GLDC: variants seen among roughly 807,000 people sequenced by gnomAD.
The protein encoded by GLDC is glycine decarboxylase.
GLDC carries 104 observed loss-of-function variants against 121.3 expected under a neutral mutation model. That is an observed-to-expected ratio of 0.86 (90% CI 0.73 to 1.01). The LOEUF (loss-of-function observed/expected upper bound fraction) is 1.01, where lower values mean the gene tolerates loss of function less well. Among genes scored for constraint, GLDC ranks in the 50% least tolerant of loss-of-function variants. The pLI is 0.00. For missense variants in GLDC, 1,429 were observed against 1,306.6 expected (o/e 1.09, Z -1.44); for synonymous variants, 546 against 480.6 (o/e 1.14, Z -1.78).
chr9:6,544,587 C>T (rs891348497), intron 21 of GLDC, among the ~76,000 whole-genome samples: 19 of 145,192 alleles, frequency 1.3e-4, no homozygotes, highest in Admixed American at 1.3e-3. Context: ...TGCAGTGAGC[C>T]GAGATTGCAC....
chr9:6,587,840 A>G (rs913826932), intron 14 of GLDC, among the ~76,000 whole-genome samples: 1 of 152,178 alleles, frequency 6.6e-6, no homozygotes. Context: ...TTATCATGAT[A>G]TAAAATGATT....
intron 21 of GLDC, among the ~76,000 whole-genome samples, chr9:6,546,207 T>C (rs1817385480): frequency 6.6e-6 from 1 of 152,052 alleles, no homozygotes; most frequent in South Asian, 2.1e-4. Flanking sequence ...CATCTTTTTT[T>C]TTTGAGACAG....
At chr9:6,573,644 C>T (rs1818008231) in intron 15 of GLDC, among the ~76,000 whole-genome samples, 8 of 152,098 alleles carry the variant, frequency 5.3e-5, no homozygotes, top group Admixed American at 5.2e-4. Flanking sequence ...TGGTGTTGGA[C>T]ATCTTTGATG....
At chr9:6,554,883 A>T (rs1020492830) in intron 18 of GLDC, 102 bp from the exon 19 acceptor site, 7 of 828,070 alleles carry the variant, frequency 8.5e-6, no homozygotes, top group Admixed American at 2.0e-5. Flanking sequence ...CCTCAGAGGA[A>T]AAGCAGGCAG....
intron 2 of GLDC, among the ~76,000 whole-genome samples, chr9:6,630,215 G>A (rs572333732): frequency 6.6e-6 from 1 of 152,028 alleles, no homozygotes; most frequent in East Asian, 1.9e-4. Flanking sequence ...CTTGCAGTGA[G>A]CCGAGATCGT....
intron 15 of GLDC, among the ~76,000 whole-genome samples, chr9:6,580,955 T>C (rs575656513): frequency 6.6e-6 from 1 of 152,334 alleles, no homozygotes; most frequent in South Asian, 2.1e-4. Context: ...CTTTGTTTCA[T>C]CCTGAAGCTT....
intron 22 of GLDC, among the ~76,000 whole-genome samples, chr9:6,539,508 A>C (rs1817209249): frequency 6.6e-6 from 1 of 152,206 alleles, no homozygotes; most frequent in South Asian, 2.1e-4. Flanking sequence ...ATATGGTCTT[A>C]ATATTTTAAT....
rs551460385 is a variant in GLDC, at chr9:6,594,404, A to T, written c.1261+610T>A. ...GAGTAAAAGAGAAAAAAATATTAAC[A>T]CTCAGTCTAAGCCAGGCATGGTGGC... On this transcript the variant is annotated intron_variant, in intron 9 of 24. Transcript: ENST00000321612. 1.3e-3 allele frequency among the ~76,000 whole-genome samples: 193 copies of T among 152,106 alleles called. 2 individuals are homozygous for T. Among genetic ancestry groups the T allele is most frequent in the African/African-American group, 4.1e-3 (171 of 41,496 alleles).
At chr9:6,533,576 C>T (rs1817045917) in intron 24 of GLDC, among the ~76,000 whole-genome samples, 1 of 152,084 alleles carries the variant, frequency 6.6e-6, no homozygotes, top group Non-Finnish European at 1.5e-5. Flanking sequence ...GTTAATTTCT[C>T]GGCTGGGCGC....
At chr9:6,593,689 C>G (rs1360474209) in intron 9 of GLDC, among the ~76,000 whole-genome samples, 1 of 147,958 alleles carries the variant, frequency 6.8e-6, no homozygotes, top group African/African-American at 2.5e-5. Flanking sequence ...ATGATTTAAT[C>G]ACTTTTTTTT....
At chr9:6,627,265 C>T (rs1819263083) in intron 2 of GLDC, among the ~76,000 whole-genome samples, 1 of 135,786 alleles carries the variant, frequency 7.4e-6, no homozygotes, top group African/African-American at 2.8e-5. Context: ...CACTGCACTC[C>T]AGCCTGGGCA....
At chr9:6,560,383 G>C (rs933164325) in intron 16 of GLDC, among the ~76,000 whole-genome samples, 2 of 152,234 alleles carry the variant, frequency 1.3e-5, no homozygotes, top group African/African-American at 4.8e-5. Context: ...GAACTACTTT[G>C]CACTCTTCTA....
At chr9:6,581,321 T>C (rs1818167221) in intron 15 of GLDC, among the ~76,000 whole-genome samples, 1 of 152,208 alleles carries the variant, frequency 6.6e-6, no homozygotes, top group Non-Finnish European at 1.5e-5. Context: ...GTGATGGTGA[T>C]AACCTGGTCA....
intron 2 of GLDC, 89 bp downstream of exon 2, chr9:6,644,525 C>T: frequency 2.3e-6 from 2 of 881,324 alleles, no homozygotes; most frequent in Non-Finnish European, 3.8e-6. Context: ...CCTGAGCAAT[C>T]CTTACCCCAG....
In GLDC at chr9:6,561,522, G is replaced by A. The variant is rs147067824; in HGVS notation, c.1927-2838C>T. ...AAAATAGCCAGGCATGGTGGTGCACGCCTACAGTCCCAGCTACTTGGGAGG... is the reference window on the plus strand; with the variant it reads ...AAAATAGCCAGGCATGGTGGTGCACACCTACAGTCCCAGCTACTTGGGAGG... On this transcript the variant is annotated intron_variant, in intron 16 of 24. Coordinates refer to ENST00000321612, the MANE Select transcript of GLDC (RefSeq NM_000170.3). Among the ~76,000 whole-genome samples the A allele has an allele frequency of 9.2e-5, 14 of 152,210 alleles. No individual in the cohort carries two copies. In the East Asian group the frequency reaches 9.7e-4, roughly 11 times the overall value.
chr9:6,573,536 A>G (rs1053762188), intron 15 of GLDC, among the ~76,000 whole-genome samples: 1 of 152,136 alleles, frequency 6.6e-6, no homozygotes, highest in East Asian at 1.9e-4. Flanking sequence ...GAAGGGTTAT[A>G]AAGCAAAAGA....
chr9:6,556,077 G>A (rs1817623448), intron 18 of GLDC, 76 bp downstream of exon 18: 1 of 1,295,988 alleles, frequency 7.7e-7, no homozygotes, highest in Non-Finnish European at 1.1e-6. Context: ...AGCCTCTCAA[G>A]AAGTCAGAAT....
At chr9:6,643,683 A>G (rs1355774409) in intron 2 of GLDC, among the ~76,000 whole-genome samples, 5 of 152,044 alleles carry the variant, frequency 3.3e-5, no homozygotes, top group Non-Finnish European at 5.9e-5. Context: ...AAGAAAGTCT[A>G]TGACTAAACT....
rs952660885 is a variant in GLDC at position 6,604,487 on chromosome 9, A to G, written c.1058+101T>C. The G allele has an allele frequency of 4.6e-6, 5 of 1,097,468 alleles. No homozygotes were observed. The African/African-American group carries it at 6.1e-5, about 13-fold the overall frequency. 68.0% of individuals were successfully genotyped at this position (1,097,468 alleles called of 1,614,324 possible). A position where few individuals can be genotyped will look rare whatever the true frequency, so the allele number is the denominator to read the frequency against. On this transcript the variant is annotated intron_variant, in intron 7 of 24. Transcript: ENST00000321612. Reference sequence around the variant, plus strand: ...GTTGTACATTTCCTTAACTGACTCAACATGGCCCAGTTGAATTCAGATAGA... The same window carrying G: ...GTTGTACATTTCCTTAACTGACTCAGCATGGCCCAGTTGAATTCAGATAGA...
Sources: allele counts gnomAD v4.1 joint callset (sites outside exome capture counted in the v4.1 genomes callset), GRCh38; gene constraint gnomAD v4.1.1; transcripts MANE v1.5; gene names NCBI Gene and HGNC (gene_info 2026-07-23, HGNC 2026-07-21).